Variants in PRELID2 observed in about 807,000 individuals in gnomAD.
PRELID2 encodes the protein PRELI domain-containing protein 2.
In PRELID2, 25 loss-of-function variants were observed where a neutral mutation model predicts 28.4. That is an observed-to-expected ratio of 0.88 (90% CI 0.64 to 1.23). The LOEUF (loss-of-function observed/expected upper bound fraction) is 1.23, where lower values mean the gene tolerates loss of function less well. PRELID2 is among the 50% of genes most tolerant of loss of function. The pLI, the probability that PRELID2 is intolerant of heterozygous loss-of-function variation, is 0.00. For missense variants in PRELID2, 201 were observed against 214.4 expected (o/e 0.94, Z 0.39); for synonymous variants, 76 against 71.6 (o/e 1.06, Z -0.31).
chr5:145,253,318 C>T, the PRELID2 span, among the ~76,000 whole-genome samples: 1 of 152,086 alleles, frequency 6.6e-6, no homozygotes, highest in African/African-American at 2.4e-5. Flanking sequence ...AATACTTATG[C>T]TGGGCAAGAC....
chr5:145,379,277 A>T, the PRELID2 span, among the ~76,000 whole-genome samples: 10 of 152,304 alleles, frequency 6.6e-5, no homozygotes, highest in African/African-American at 2.4e-4. Flanking sequence ...TTCATAGTGC[A>T]GTGACAGTGG....
chr5:145,427,669 GT>G, the PRELID2 span, among the ~76,000 whole-genome samples: 8 of 151,532 alleles, frequency 5.3e-5, no homozygotes, highest in African/African-American at 1.9e-4. Context: ...CCCTCATAGA[GT>G]TTATAATCTA....
intron 1 of PRELID2, among the ~76,000 whole-genome samples, chr5:145,495,560 A>C (rs1249718427): frequency 6.6e-6 from 1 of 152,164 alleles, no homozygotes; most frequent in Non-Finnish European, 1.5e-5. Context: ...CCTGACTTTC[A>C]GAATTTAAAA....
At chr5:145,494,539 T>C (rs187428310) in intron 1 of PRELID2, among the ~76,000 whole-genome samples, 95 of 152,276 alleles carry the variant, frequency 6.2e-4, no homozygotes, top group African/African-American at 2.2e-3. Flanking sequence ...TTTAAGTTAA[T>C]GGTAACTGAC....
intron 1 of PRELID2, among the ~76,000 whole-genome samples, chr5:145,716,576 T>C (rs1360151732): frequency 6.6e-6 from 1 of 152,224 alleles, no homozygotes; most frequent in African/African-American, 2.4e-5. Flanking sequence ...GATACCATCA[T>C]AACAAAGCAG....
At chr5:145,332,637 C>A in the PRELID2 span, among the ~76,000 whole-genome samples, 1 of 152,014 alleles carries the variant, frequency 6.6e-6, no homozygotes, top group Non-Finnish European at 1.5e-5. Context: ...ATGTTCTTCT[C>A]TAAACTGGTT....
intron 1 of PRELID2, among the ~76,000 whole-genome samples, chr5:145,541,463 C>G (rs1025758225): frequency 7.9e-5 from 12 of 151,972 alleles, no homozygotes. Context: ...GGGATTTAAA[C>G]CCAGGCTACA....
At chr5:145,544,971 T>A (rs1752773557) in intron 1 of PRELID2, among the ~76,000 whole-genome samples, 1 of 151,990 alleles carries the variant, frequency 6.6e-6, no homozygotes, top group Non-Finnish European at 1.5e-5. Flanking sequence ...TCAAGTCGAA[T>A]TTTTTTCTTC....
intron 1 of PRELID2, among the ~76,000 whole-genome samples, chr5:145,616,667 C>T (rs2149648885): frequency 6.6e-6 from 1 of 152,174 alleles, no homozygotes. Flanking sequence ...ATGTGCTTCA[C>T]AAGGTAATAG....
At chr5:145,648,143 C>G (rs191432967) in intron 1 of PRELID2, among the ~76,000 whole-genome samples, 3 of 152,200 alleles carry the variant, frequency 2.0e-5, no homozygotes, top group East Asian at 1.9e-4. Context: ...GATGTGTATA[C>G]CTTTTAGTTC....
At chr5:145,584,604 C>T (rs1413779751) in intron 1 of PRELID2, among the ~76,000 whole-genome samples, 3 of 151,922 alleles carry the variant, frequency 2.0e-5, no homozygotes, top group African/African-American at 7.3e-5. Flanking sequence ...AACAAACAAC[C>T]CCACTAAAAA....
the PRELID2 span, among the ~76,000 whole-genome samples, chr5:145,414,798 T>C: frequency 1.3e-5 from 2 of 152,232 alleles, no homozygotes; most frequent in Admixed American, 6.5e-5. Flanking sequence ...ACTCAATACC[T>C]GAGTCTTGAA....
the PRELID2 span, chr5:145,229,932 G>A: frequency 1.1e-5 from 8 of 749,636 alleles, no homozygotes; most frequent in Non-Finnish European, 1.7e-5. Flanking sequence ...CTACAATGAG[G>A]AGCTGATGAG....
chr5:145,495,325 A>G (rs148308998), intron 1 of PRELID2, among the ~76,000 whole-genome samples: 179 of 152,324 alleles, frequency 1.2e-3, no homozygotes, highest in African/African-American at 4.0e-3. Flanking sequence ...CACAGTGTGA[A>G]TTGAGCATCA....
chr5:145,481,623 C>CAAAAAAAAAAAAAAAAAAAAAAA (rs70998021), intron 1 of PRELID2, among the ~76,000 whole-genome samples: 73 of 41,860 alleles, frequency 1.7e-3, no homozygotes, highest in Middle Eastern at 0.02. Context: ...GCAAGGAAAT[C>CAAAAAAAAAAAAAAAAAAAAAAA]AAAAAAAAAA....
intron 1 of PRELID2, among the ~76,000 whole-genome samples, chr5:145,726,950 G>T (rs1756185307): frequency 6.6e-6 from 1 of 152,218 alleles, no homozygotes; most frequent in African/African-American, 2.4e-5. Context: ...GGTCATTGGG[G>T]TGATGAAGTC....
At chr5:145,573,563 T>C (rs895990305) in intron 1 of PRELID2, among the ~76,000 whole-genome samples, 2 of 152,142 alleles carry the variant, frequency 1.3e-5, no homozygotes, top group Admixed American at 6.6e-5. Flanking sequence ...TGTGTTCTCA[T>C]TGTTCAACTC....
the PRELID2 span, among the ~76,000 whole-genome samples, chr5:145,254,028 T>A: frequency 6.6e-6 from 1 of 151,898 alleles, no homozygotes; most frequent in South Asian, 2.1e-4. Context: ...CACACACACA[T>A]AACGACAAGA....
intron 1 of PRELID2, among the ~76,000 whole-genome samples, chr5:145,506,026 G>A (rs1752407460): frequency 6.6e-6 from 1 of 152,170 alleles, no homozygotes; most frequent in African/African-American, 2.4e-5. Context: ...GAGGATTCTA[G>A]AGGTCTGATG....
Sources: gnomAD v4.1 joint callset for allele counts (sites outside exome capture counted in the v4.1 genomes callset) on GRCh38, gnomAD v4.1.1 for gene constraint, MANE v1.5 for transcripts, NCBI Gene and HGNC (gene_info 2026-07-23, HGNC 2026-07-21) for gene names.